BOLL: variants seen among roughly 807,000 people sequenced by gnomAD.
The protein encoded by BOLL is boule RNA binding protein, also known as protein boule-like.
In BOLL, 23 loss-of-function variants were observed where a neutral mutation model predicts 44.4. That is an observed-to-expected ratio of 0.52 (90% CI 0.37 to 0.73). BOLL has a LOEUF of 0.73. BOLL is among the 30% of genes least tolerant of loss of function. The pLI, the probability that BOLL is intolerant of heterozygous loss-of-function variation, is 0.00. For missense variants in BOLL, 287 were observed against 338.3 expected, an observed-to-expected ratio of 0.85 and a Z score of 1.19; for synonymous variants, 97 against 110.8, an observed-to-expected ratio of 0.88 and a Z score of 0.78.
At chr2:197,729,743 G>T (rs1477133287) in intron 10 of BOLL, among the ~76,000 whole-genome samples, 1 of 152,072 alleles carries the variant, frequency 6.6e-6, no homozygotes, top group Non-Finnish European at 1.5e-5. Context: ...CAGACCTGCA[G>T]CTGAGGGTCC....
chr2:197,768,039 AG>A (rs1689074551), intron 6 of BOLL, among the ~76,000 whole-genome samples: 1 of 152,184 alleles, frequency 6.6e-6, no homozygotes, highest in South Asian at 2.1e-4. Context: ...AGAGTTTGGC[AG>A]GGTTACTGAT....
chr2:197,785,591 C>T (rs1690039395), upstream of BOLL, among the ~76,000 whole-genome samples: 1 of 152,218 alleles, frequency 6.6e-6, no homozygotes, highest in Non-Finnish European at 1.5e-5. The surrounding 1 kb of genome is among the most constrained non-coding windows in gnomAD (Gnocchi z 6.7). Flanking sequence ...AACTCCTCGC[C>T]TTGGGCGGCT....
intron 10 of BOLL, among the ~76,000 whole-genome samples, chr2:197,731,092 A>G (rs1214078581): frequency 6.6e-6 from 1 of 152,128 alleles, no homozygotes; most frequent in Non-Finnish European, 1.5e-5. Flanking sequence ...AGACACACAT[A>G]GGCTCAAAAT....
intron 10 of BOLL, among the ~76,000 whole-genome samples, chr2:197,742,137 T>C (rs1040034182): frequency 1.3e-5 from 2 of 152,210 alleles, no homozygotes; most frequent in African/African-American, 4.8e-5. Flanking sequence ...CCAGTTAGAA[T>C]GGCGATCATT....
At chr2:197,771,123 A>T (rs189199769) in intron 6 of BOLL, among the ~76,000 whole-genome samples, 32 of 152,286 alleles carry the variant, frequency 2.1e-4, no homozygotes, top group African/African-American at 7.7e-4. Context: ...GATAGAGTGG[A>T]TTAAGAAAAT....
chr2:197,736,135 A>G (rs145394382), intron 10 of BOLL, among the ~76,000 whole-genome samples: 86 of 152,266 alleles, frequency 5.6e-4, no homozygotes, highest in African/African-American at 2.0e-3. Context: ...GCCAGTAATT[A>G]GACATATTGG....
intron 9 of BOLL, among the ~76,000 whole-genome samples, chr2:197,753,791 T>C (rs115155216): frequency 0.017 from 2,527 of 152,296 alleles, 68 homozygotes; most frequent in African/African-American, 0.058. Context: ...ACTGGGTATA[T>C]ATTGAGAAGT....
At chr2:197,764,509 T>C (rs1359405557) in intron 7 of BOLL, among the ~76,000 whole-genome samples, 1 of 152,132 alleles carries the variant, frequency 6.6e-6, no homozygotes, top group East Asian at 1.9e-4. Flanking sequence ...ATCTGCCACC[T>C]GCACAGATAT....
intron 10 of BOLL, among the ~76,000 whole-genome samples, chr2:197,729,710 C>T (rs904830519): frequency 9.2e-5 from 14 of 152,320 alleles, no homozygotes; most frequent in East Asian, 7.7e-4. Context: ...CACACTGACA[C>T]CTCACAGGGC....
At chr2:197,732,251 C>G (rs1006650874) in intron 10 of BOLL, among the ~76,000 whole-genome samples, 2 of 151,968 alleles carry the variant, frequency 1.3e-5, no homozygotes, top group African/African-American at 2.4e-5. Flanking sequence ...TCTCCCAAGA[C>G]TAAACCAGGA....
chr2:197,786,003 T>A, upstream of BOLL: 1 of 1,612,238 alleles, frequency 6.2e-7, no homozygotes, highest in Non-Finnish European at 8.5e-7. The surrounding 1 kb of genome is among the most constrained non-coding windows in gnomAD (Gnocchi z 5.9). Context: ...TCGGTTTCCA[T>A]CTTCCTCTCT....
intron 1 of BOLL, among the ~76,000 whole-genome samples, chr2:197,784,121 C>T (rs928634437): frequency 3.3e-5 from 5 of 151,770 alleles, no homozygotes; most frequent in Admixed American, 1.3e-4. Context: ...ATTGTGGGCT[C>T]GCTCTGCTTA....
chr2:197,732,230 G>A (rs1384340746), intron 10 of BOLL, among the ~76,000 whole-genome samples: 1 of 151,300 alleles, frequency 6.6e-6, no homozygotes, highest in Non-Finnish European at 1.5e-5. Context: ...TAAATTTCTC[G>A]ACACATACAC....
At chr2:197,733,617 G>T (rs1198266120) in intron 10 of BOLL, among the ~76,000 whole-genome samples, 7 of 150,666 alleles carry the variant, frequency 4.6e-5, no homozygotes, top group Admixed American at 1.3e-4. Flanking sequence ...AACAGAGATA[G>T]AGACCAATGG....
chr2:197,773,404 T>C (rs1689356261), intron 5 of BOLL, among the ~76,000 whole-genome samples: 1 of 152,002 alleles, frequency 6.6e-6, no homozygotes, highest in South Asian at 2.1e-4. Flanking sequence ...AGATGGTCTG[T>C]ATCCTCAAAG....
intron 10 of BOLL, among the ~76,000 whole-genome samples, chr2:197,736,259 G>A (rs1687481737): frequency 6.6e-6 from 1 of 152,050 alleles, no homozygotes; most frequent in Admixed American, 6.6e-5. Flanking sequence ...CAACAAAAGT[G>A]AAGAGTGTTC....
intron 7 of BOLL, among the ~76,000 whole-genome samples, chr2:197,761,297 G>C (rs1688745610): frequency 6.6e-6 from 1 of 152,076 alleles, no homozygotes; most frequent in Admixed American, 6.6e-5. Flanking sequence ...AAAAAAACCA[G>C]CTCTTTCATA....
chr2:197,735,376 C>G (rs1687436468), intron 10 of BOLL, among the ~76,000 whole-genome samples: 2 of 152,078 alleles, frequency 1.3e-5, no homozygotes, highest in Admixed American at 1.3e-4. Flanking sequence ...CCTCTTTCTG[C>G]AATTTAAAAA....
chr2:197,773,632 C>T (rs956330548), intron 5 of BOLL, among the ~76,000 whole-genome samples: 1 of 151,730 alleles, frequency 6.6e-6, no homozygotes, highest in Non-Finnish European at 1.5e-5. Context: ...AATTGGATGG[C>T]AAAGTACATT....
Sources: gnomAD v4.1 joint callset for allele counts (sites outside exome capture counted in the v4.1 genomes callset) on GRCh38, gnomAD v4.1.1 for gene constraint, Gnocchi (gnomAD v3.1) non-coding constraint, MANE v1.5 for transcripts, NCBI Gene and HGNC (gene_info 2026-07-23, HGNC 2026-07-21) for gene names.